SIM1: variants seen among roughly 807,000 people sequenced by gnomAD.
SIM1 encodes single-minded homolog 1.
In SIM1, 18 loss-of-function variants were observed where a neutral mutation model predicts 78.2. The ratio of observed to expected loss-of-function variants is 0.23; its 90% CI spans 0.16 to 0.34. The LOEUF (loss-of-function observed/expected upper bound fraction) is 0.34. SIM1 is among the 10% of genes least tolerant of loss of function. The pLI, the probability that SIM1 is intolerant of heterozygous loss-of-function variation, is 1.00. For missense variants in SIM1, 939 were observed against 975.1 expected (o/e 0.96, Z 0.49); for synonymous variants, 417 against 385.2 (o/e 1.08, Z -0.97).
At position 100,393,923 on chromosome 6, in the gene SIM1, A is replaced by C; in HGVS notation, c.1168-34T>G. The C allele has an allele frequency of 2.0e-6, 3 of 1,513,490 alleles. No homozygotes were observed. In the South Asian group the frequency reaches 4.0e-5, roughly 20 times the overall value. 93.8% of individuals were successfully genotyped at this position (1,513,490 alleles called of 1,614,324 possible). On this transcript the variant is annotated intron_variant, in intron 10 of 11. Coordinates refer to ENST00000369208, the MANE Select transcript of SIM1 (RefSeq NM_005068.3). ...GAGTAGGGGAGAAAAGTCCATTTCAAAAATCAATCGATCAGTAAGAGAAAA... is the reference window on the plus strand; with the variant it reads ...GAGTAGGGGAGAAAAGTCCATTTCACAAATCAATCGATCAGTAAGAGAAAA...
At chr6:100,410,963 G>A (rs1771174522) in intron 10 of SIM1, among the ~76,000 whole-genome samples, 1 of 152,142 alleles carries the variant, frequency 6.6e-6, no homozygotes, top group African/African-American at 2.4e-5. Context: ...CAAAAACCAA[G>A]CCAAACAAAC....
At chr6:100,403,148 CA>C (rs1770969631) in intron 10 of SIM1, among the ~76,000 whole-genome samples, 1 of 152,112 alleles carries the variant, frequency 6.6e-6, no homozygotes, top group African/African-American at 2.4e-5. Context: ...TTTTAGTTTT[CA>C]AAACAAGCAT....
In SIM1 at chr6:100,412,555, AAAAGAAAGAAAGAAAGAAAGAAAG is replaced by A. The variant is rs761518217; in HGVS notation, c.1167+8211_1167+8234del. On this transcript the variant is annotated intron_variant, in intron 10 of 11. Transcript: ENST00000369208. The stretch of plus-strand genomic sequence containing the variant: ...CTGTCTAAGAAAGAAAGAAAGAAAG[AAAAGAAAGAAAGAAAGAAAGAAAG>A]AAAGAAAGAAAGAAAGAAAGAAAGA... 1.6e-3 allele frequency among the ~76,000 whole-genome samples: 101 copies of A among 64,484 alleles called. 3 individuals are homozygous for A. Among genetic ancestry groups the A allele is most frequent in the African/African-American group, 4.0e-3 (66 of 16,544 alleles). The allele number at this position is 64,484 out of a possible 152,430, so 42.3% of individuals were successfully genotyped here.
intron 10 of SIM1, 96 bp downstream of exon 10, chr6:100,420,694 A>T: frequency 8.3e-7 from 1 of 1,203,982 alleles, no homozygotes; most frequent in Non-Finnish European, 1.2e-6. Flanking sequence ...TATTAAAACT[A>T]GATAATTCAT....
At position 100,445,648 on chromosome 6, in the gene SIM1, C is replaced by A. The variant is rs188946988; in HGVS notation, c.998+1620G>T. Among the ~76,000 whole-genome samples, 187 of 152,170 alleles carry A rather than the reference C, an allele frequency of 1.2e-3. 1 individual carries two copies. Among genetic ancestry groups the A allele is most frequent in the Non-Finnish European group, 2.5e-4 (17 of 67,974 alleles). On this transcript the variant is annotated intron_variant, in intron 9 of 11. Transcript: ENST00000369208. ...TGGGAGGTCTAACTTGCATTTGGAT[C>A]ATTTATATGGGTCTGTGTGACTATA...
chr6:100,442,241 CAAT>C (rs1313932795), intron 9 of SIM1, among the ~76,000 whole-genome samples: 3 of 151,980 alleles, frequency 2.0e-5, no homozygotes, highest in Non-Finnish European at 2.9e-5. Flanking sequence ...TGATAAAATA[CAAT>C]AATAAGGAAA....
chr6:100,433,528 A>T (rs1031325805), intron 9 of SIM1, among the ~76,000 whole-genome samples: 1 of 152,082 alleles, frequency 6.6e-6, no homozygotes, highest in African/African-American at 2.4e-5. Context: ...CTGATATTAT[A>T]TGACTTTTTT....
At position 100,393,614 on chromosome 6, in the gene SIM1, C is replaced by A. The variant is rs777872163; in HGVS notation, c.1443G>T (p.Thr481=). 1 of 1,614,130 alleles carries A rather than the reference C, an allele frequency of 6.2e-7. No homozygotes were observed. The highest frequency in any genetic ancestry group is 1.1e-5 in the South Asian group (1 of 91,076). The change falls in exon 11 of 12, where the codon ACG becomes ACT. Residue 481 remains threonine (T), a synonymous_variant. Coordinates refer to ENST00000369208, the MANE Select transcript of SIM1 (RefSeq NM_005068.3). ...ACCAGGGCTCCCTCCCGGCCTGCGG[C>A]GTTCCCAGGAAGTACCTGCCTGCCT... ...RCEAGRYFLG[T]PQAGREPWWG... is the part of the protein sequence containing the mutation.
chr6:100,390,405 G>T lies in SIM1; in HGVS notation c.2257C>A (p.Gln753Lys). 1 of 1,614,132 alleles carries T rather than the reference G, an allele frequency of 6.2e-7. No individual in the cohort carries two copies. Among genetic ancestry groups the T allele is most frequent in the African/African-American group, 1.3e-5 (1 of 75,024 alleles). Residue 753 changes from glutamine (Q) to lysine (K), a missense_variant, in exon 12 of 12, where the codon CAA becomes AAA. Gln to Lys is a moderately conservative substitution (Grantham distance 53, BLOSUM62 1). This residue lies in a region of SIM1 where 556 missense variants were observed against 521.9 expected (regional missense o/e 1.07). Coordinates refer to ENST00000369208, the MANE Select transcript of SIM1 (RefSeq NM_005068.3). ...SHLRMQPDPA[Q>K]GHKGTSVIIT... ...ATAACAGATGTTCCCTTGTGTCCTT[G>T]TGCTGGGTCTGGTTGCATCCTCAGA...
chr6:100,433,447 A>G (rs1292252551), intron 9 of SIM1, among the ~76,000 whole-genome samples: 2 of 152,130 alleles, frequency 1.3e-5, no homozygotes, highest in Non-Finnish European at 2.9e-5. Context: ...TCCTTCATTT[A>G]TGAATCTTTA....
In SIM1 at chr6:100,444,843, T is replaced by G. The variant is rs1772315176; in HGVS notation, c.998+2425A>C. On this transcript the variant is annotated intron_variant, in intron 9 of 11. Coordinates refer to ENST00000369208, the MANE Select transcript of SIM1 (RefSeq NM_005068.3). ...CTCCACCAAAACATCACAACCTCAT[T>G]TGACCAAGGCTTATTTTAAAACCTC... 2.0e-5 allele frequency among the ~76,000 whole-genome samples: 3 copies of G among 152,258 alleles called. No individual in the cohort carries two copies. The South Asian group carries it at 6.2e-4, about 32-fold the overall frequency.
At chr6:100,405,244 A>G (rs1771024588) in intron 10 of SIM1, among the ~76,000 whole-genome samples, 1 of 152,070 alleles carries the variant, frequency 6.6e-6, no homozygotes, top group Admixed American at 6.6e-5. Context: ...AAACTTCAAG[A>G]AAAGTTGGAG....
chr6:100,390,601 T>A lies in SIM1; in HGVS notation c.2061A>T (p.Thr687=). The change falls in exon 12 of 12, where the codon ACA becomes ACT. Residue 687 remains threonine, a synonymous_variant. Coordinates refer to ENST00000369208, the MANE Select transcript of SIM1 (RefSeq NM_005068.3). ...GAGAGACAGTAGGGTGGTCTCCTGC[T>A]GTCTGATGAGGAGATATATCCGAAT... is the stretch of plus-strand genomic sequence containing the variant. ...YLHSDISPHQ[T]AGDHPTVSPN... is the part of the protein sequence containing the mutation. The A allele has an allele frequency of 1.2e-6, 2 of 1,614,226 alleles. No homozygotes were observed. Among genetic ancestry groups the A allele is most frequent in the East Asian group, 2.2e-5 (1 of 44,882 alleles).
At chr6:100,454,690 C>T (rs1772601478) in intron 2 of SIM1, among the ~76,000 whole-genome samples, 1 of 152,094 alleles carries the variant, frequency 6.6e-6, no homozygotes, top group Non-Finnish European at 1.5e-5. Flanking sequence ...TGGTGTTTCC[C>T]CGTTAAGATC....
chr6:100,422,195 A>G (rs1290108231), intron 9 of SIM1, among the ~76,000 whole-genome samples: 1 of 152,112 alleles, frequency 6.6e-6, no homozygotes, highest in African/African-American at 2.4e-5. Flanking sequence ...ATTGAGAAGC[A>G]TATAAAACCT....
chr6:100,412,743 GAAAGAAAGAAA>G (rs1322048426), intron 10 of SIM1, among the ~76,000 whole-genome samples: 3 of 130,040 alleles, frequency 2.3e-5, no homozygotes, highest in African/African-American at 8.6e-5. Flanking sequence ...AAGAAAGAAA[GAAAGAAAGAAA>G]AAAGAAAAGA....
chr6:100,403,536 T>C (rs917811701), intron 10 of SIM1, among the ~76,000 whole-genome samples: 2 of 152,218 alleles, frequency 1.3e-5, no homozygotes, highest in African/African-American at 2.4e-5. Context: ...ACCTTCAAGG[T>C]GTTCACATTA....
At chr6:100,448,952 C>T (rs146631746) in intron 6 of SIM1, among the ~76,000 whole-genome samples, 2 of 152,304 alleles carry the variant, frequency 1.3e-5, no homozygotes, top group East Asian at 3.9e-4. Context: ...GTCCCTGAAA[C>T]CTGCTAATGA....
chr6:100,400,035 T>C (rs760328432), intron 10 of SIM1, among the ~76,000 whole-genome samples: 1 of 151,964 alleles, frequency 6.6e-6, no homozygotes, highest in Non-Finnish European at 1.5e-5. Flanking sequence ...TTTATGTTGC[T>C]AAAAGCCAGA....
Sources: allele counts gnomAD v4.1 joint callset (sites outside exome capture counted in the v4.1 genomes callset), GRCh38; gene constraint gnomAD v4.1.1; regional missense constraint gnomAD v4.1.1; transcripts MANE v1.5; gene names NCBI Gene and HGNC (gene_info 2026-07-23, HGNC 2026-07-21).